Variants in RANBP2 observed in about 807,000 individuals in gnomAD.
The protein encoded by RANBP2 is E3 SUMO-protein ligase RanBP2.
RANBP2 carries 57 observed loss-of-function variants against 303.6 expected under a neutral mutation model. The observed-to-expected ratio is 0.19, with a 90% confidence interval of 0.15 to 0.23. The LOEUF is 0.23. Ranked by LOEUF, RANBP2 falls within the 10% of genes least tolerant of loss-of-function variation. The probability of loss-of-function intolerance (pLI) is 1.00; values close to 1 mark genes in which losing one functional copy is unlikely to be tolerated. For missense variants in RANBP2, 3,138 were observed against 3,780.8 expected (o/e 0.83, Z 4.46); for synonymous variants, 1,167 against 1,301.5 (o/e 0.90, Z 2.23).
chr2:109,034,298 G>GAAAT, the RANBP2 span, among the ~76,000 whole-genome samples: 103 of 125,442 alleles, frequency 8.2e-4, 2 homozygotes, highest in Non-Finnish European at 1.2e-3. Flanking sequence ...AAAAAAAAAG[G>GAAAT]AAGGTTCAAA....
the RANBP2 span, among the ~76,000 whole-genome samples, chr2:109,471,910 GGGGCTGTGTGA>G: frequency 6.6e-6 from 1 of 152,220 alleles, no homozygotes; most frequent in Non-Finnish European, 1.5e-5. Flanking sequence ...CTAGAAGGCA[GGGGCTGTGTGA>G]ACAGCAGTTC....
At chr2:109,655,753 G>A in the RANBP2 span, among the ~76,000 whole-genome samples, 2 of 152,156 alleles carry the variant, frequency 1.3e-5, no homozygotes, top group African/African-American at 4.8e-5. Flanking sequence ...TTCTGGCCTG[G>A]GAACAAAAAG....
At chr2:108,947,284 AGCTCCTGTAACT>A in the RANBP2 span, among the ~76,000 whole-genome samples, 27 of 152,174 alleles carry the variant, frequency 1.8e-4, no homozygotes, top group Non-Finnish European at 3.7e-4. Flanking sequence ...TGCAGGGTAC[AGCTCCTGTAACT>A]GCTTTCATGG....
chr2:109,542,114 A>G, the RANBP2 span, among the ~76,000 whole-genome samples: 2 of 152,218 alleles, frequency 1.3e-5, no homozygotes, highest in Non-Finnish European at 2.9e-5. Context: ...TTAACAAAAC[A>G]TGACTAGCTT....
chr2:109,519,659 TA>T, the RANBP2 span, among the ~76,000 whole-genome samples: 1 of 152,116 alleles, frequency 6.6e-6, no homozygotes, highest in Admixed American at 6.5e-5. Flanking sequence ...TAAAAATAGA[TA>T]AAACCACATA....
chr2:108,754,802 A>G, intron 15 of RANBP2, 103 bp from the exon 16 acceptor site: 3 of 1,576,492 alleles, frequency 1.9e-6, no homozygotes, highest in Non-Finnish European at 2.6e-6. Context: ...AGTGCCTATT[A>G]AAGTGGCAAA....
intron 17 of RANBP2, among the ~76,000 whole-genome samples, chr2:108,757,887 T>C (rs1413771011): frequency 6.6e-6 from 1 of 152,182 alleles, no homozygotes. Context: ...AGTTAATAAA[T>C]TAGGTTTTGT....
chr2:109,432,429 C>T, the RANBP2 span: 6 of 1,572,560 alleles, frequency 3.8e-6, no homozygotes, highest in East Asian at 9.4e-5. Context: ...ACAACCTCCC[C>T]CCAGGAATGC....
the RANBP2 span, among the ~76,000 whole-genome samples, chr2:108,983,829 T>C: frequency 3.9e-5 from 6 of 152,272 alleles, no homozygotes; most frequent in South Asian, 1.0e-3. Flanking sequence ...GAACCCGTTC[T>C]CCAACAATTT....
chr2:109,719,745 G>A, the RANBP2 span, among the ~76,000 whole-genome samples: 5 of 152,050 alleles, frequency 3.3e-5, no homozygotes, highest in Non-Finnish European at 7.4e-5. Context: ...AAAATTGGAA[G>A]GACTGGGGAG....
the RANBP2 span, among the ~76,000 whole-genome samples, chr2:109,030,520 G>A: frequency 5.9e-5 from 9 of 152,172 alleles, no homozygotes; most frequent in Non-Finnish European, 1.3e-4. Flanking sequence ...CTGAATGAAT[G>A]AAAGAATGGG....
chr2:108,911,530 A>C, the RANBP2 span, among the ~76,000 whole-genome samples: 7 of 152,248 alleles, frequency 4.6e-5, no homozygotes, highest in East Asian at 7.7e-4. Context: ...TTTCAACCTA[A>C]GTGTCATTGT....
chr2:108,772,618 A>G, intron 22 of RANBP2, 37 bp downstream of exon 22: 1 of 1,556,520 alleles, frequency 6.4e-7, no homozygotes, highest in Non-Finnish European at 8.9e-7. Context: ...AATGCTTTTA[A>G]CAAGTCTTCT....
the RANBP2 span, among the ~76,000 whole-genome samples, chr2:108,870,520 C>T: frequency 6.6e-6 from 1 of 152,150 alleles, no homozygotes; most frequent in Non-Finnish European, 1.5e-5. Flanking sequence ...AAGGAATCCA[C>T]ATTTGATAAA....
At chr2:108,981,467 G>T in the RANBP2 span, among the ~76,000 whole-genome samples, 1 of 152,130 alleles carries the variant, frequency 6.6e-6, no homozygotes, top group African/African-American at 2.4e-5. Context: ...TGGCCTTGGG[G>T]ATACAAAGAG....
chr2:109,546,872 T>C, the RANBP2 span, among the ~76,000 whole-genome samples: 1 of 152,178 alleles, frequency 6.6e-6, no homozygotes, highest in African/African-American at 2.4e-5. Flanking sequence ...ATTGCCTACA[T>C]AGCCAATAAA....
At chr2:109,334,358 T>TA in the RANBP2 span, among the ~76,000 whole-genome samples, 7,900 of 126,038 alleles carry the variant, frequency 0.063, 258 homozygotes, top group African/African-American at 0.098. Context: ...TTTTTTCCTT[T>TA]AAAAAAAAAA....
At chr2:108,955,619 A>C in the RANBP2 span, among the ~76,000 whole-genome samples, 5 of 152,110 alleles carry the variant, frequency 3.3e-5, no homozygotes, top group African/African-American at 9.7e-5. Flanking sequence ...GAAGCAGGAC[A>C]ATCTTGAGCC....
the RANBP2 span, among the ~76,000 whole-genome samples, chr2:108,846,160 A>G: frequency 6.6e-6 from 1 of 152,164 alleles, no homozygotes; most frequent in South Asian, 2.1e-4. Context: ...ATGGTGGAGC[A>G]ATCAGCAACT....
Sources: gnomAD v4.1 joint callset for allele counts (sites outside exome capture counted in the v4.1 genomes callset) on GRCh38, gnomAD v4.1.1 for gene constraint, MANE v1.5 for transcripts, NCBI Gene and HGNC (gene_info 2026-07-23, HGNC 2026-07-21) for gene names.